Variants in SPPL3 observed in about 807,000 individuals in gnomAD.
SPPL3 encodes signal peptide peptidase like 3, also known as signal peptide peptidase-like 3.
Under a neutral mutation model 42.4 loss-of-function variants are expected in SPPL3, and 5 were observed. The ratio of observed to expected loss-of-function variants is 0.12; its 90% CI spans 0.06 to 0.25. The LOEUF (loss-of-function observed/expected upper bound fraction) is 0.25, where lower values mean the gene tolerates loss of function less well. Ranked by LOEUF, SPPL3 falls within the 10% of genes least tolerant of loss-of-function variation. SPPL3 has a pLI of 1.00. For synonymous variants in SPPL3, 195 were observed against 181.8 expected (o/e 1.07, Z -0.58); for missense variants, 235 against 489.0 (o/e 0.48, Z 4.90).
At chr12:120,812,398 T>C (rs778634137) in intron 1 of SPPL3, among the ~76,000 whole-genome samples, 1 of 152,096 alleles carries the variant, frequency 6.6e-6, no homozygotes, top group South Asian at 2.1e-4. Context: ...TCCCAAAGTG[T>C]TGGGATTACA....
intron 1 of SPPL3, among the ~76,000 whole-genome samples, chr12:120,885,718 T>C (rs749810442): frequency 6.6e-6 from 1 of 152,004 alleles, no homozygotes; most frequent in Admixed American, 6.6e-5. Context: ...CACAACTCAA[T>C]TGCCTCCAGG....
At chr12:120,823,227 GGGCGGC>G (rs1347878770) in intron 1 of SPPL3, among the ~76,000 whole-genome samples, 16 of 139,676 alleles carry the variant, frequency 1.1e-4, no homozygotes, top group Admixed American at 7.1e-4. Context: ...GGGGGTGGGG[GGGCGGC>G]GGCGGTGGCG....
intron 1 of SPPL3, among the ~76,000 whole-genome samples, chr12:120,844,785 A>T (rs1871962123): frequency 1.3e-5 from 2 of 150,928 alleles, no homozygotes; most frequent in African/African-American, 4.9e-5. Context: ...CACTCCCAAC[A>T]CAGCGACTCC....
At chr12:120,863,160 C>G (rs1001169386) in intron 1 of SPPL3, among the ~76,000 whole-genome samples, 1 of 152,032 alleles carries the variant, frequency 6.6e-6, no homozygotes, top group Non-Finnish European at 1.5e-5. Context: ...CCAGCCTGGC[C>G]AACATGGTGA....
chr12:120,783,434 T>C (rs1337415030), intron 5 of SPPL3, among the ~76,000 whole-genome samples: 2 of 152,228 alleles, frequency 1.3e-5, no homozygotes, highest in Non-Finnish European at 2.9e-5. Flanking sequence ...ATGATCTAAG[T>C]AGGAAGCACA....
chr12:120,903,541 C>T, intron 1 of SPPL3: 1 of 401,400 alleles, frequency 2.5e-6, no homozygotes, highest in South Asian at 3.3e-5. Flanking sequence ...ACTTCCCATC[C>T]GTGGGATTCC....
At chr12:120,890,541 A>G (rs1179967693) in intron 1 of SPPL3, among the ~76,000 whole-genome samples, 2 of 149,838 alleles carry the variant, frequency 1.3e-5, no homozygotes, top group African/African-American at 4.9e-5. Flanking sequence ...GTAAGCAGAG[A>G]TCGCGCCATT....
At chr12:120,788,133 C>A (rs1869785963) in intron 3 of SPPL3, among the ~76,000 whole-genome samples, 1 of 152,192 alleles carries the variant, frequency 6.6e-6, no homozygotes, top group East Asian at 1.9e-4. Context: ...TCCAGTAACG[C>A]AAGAGGGCTC....
intron 1 of SPPL3, among the ~76,000 whole-genome samples, chr12:120,866,507 G>C (rs192791381): frequency 6.6e-5 from 10 of 151,522 alleles, no homozygotes; most frequent in Admixed American, 5.2e-4. Flanking sequence ...GAAATAGTAA[G>C]GCATAATTTA....
intron 1 of SPPL3, among the ~76,000 whole-genome samples, chr12:120,901,144 C>T (rs1327998546): frequency 1.3e-5 from 2 of 152,132 alleles, no homozygotes; most frequent in Non-Finnish European, 2.9e-5. Context: ...TTAAACATAC[C>T]ACTTGGCCTC....
chr12:120,883,491 G>A (rs569073149), intron 1 of SPPL3, among the ~76,000 whole-genome samples: 20 of 152,186 alleles, frequency 1.3e-4, no homozygotes, highest in African/African-American at 4.8e-4. Flanking sequence ...AAAGATAATG[G>A]TAGATTCTAC....
intron 2 of SPPL3, among the ~76,000 whole-genome samples, chr12:120,809,833 G>C (rs1323416328): frequency 6.6e-6 from 1 of 151,980 alleles, no homozygotes; most frequent in African/African-American, 2.4e-5. Context: ...TGTTTCTGTG[G>C]GCCAAAATAT....
chr12:120,784,307 G>T, intron 4 of SPPL3, 167 bp downstream of exon 4: 1 of 572,838 alleles, frequency 1.7e-6, no homozygotes, highest in Non-Finnish European at 3.0e-6. Context: ...AGAGGTTCAA[G>T]GAGGAGTTGG....
At chr12:120,790,650 T>G (rs1170666842) in intron 3 of SPPL3, among the ~76,000 whole-genome samples, 1 of 152,192 alleles carries the variant, frequency 6.6e-6, no homozygotes, top group African/African-American at 2.4e-5. Context: ...TCACCTGACT[T>G]GCGGGTCTCT....
At chr12:120,840,979 T>C (rs754776144) in intron 1 of SPPL3, among the ~76,000 whole-genome samples, 4 of 151,596 alleles carry the variant, frequency 2.6e-5, no homozygotes, top group Non-Finnish European at 5.9e-5. Flanking sequence ...TAAATAACCA[T>C]AGAATTCTAT....
intron 1 of SPPL3, among the ~76,000 whole-genome samples, chr12:120,900,676 C>A (rs531380737): frequency 1.3e-5 from 2 of 151,350 alleles, no homozygotes; most frequent in East Asian, 1.9e-4. Context: ...GGAGGCCAAT[C>A]CCAGGCAGAC....
Position 120,763,672 on chromosome 12 carries a change from G to GTTCT in SPPL3, c.*1323_*1326dup, listed in dbSNP as rs1252583428. On this transcript the variant is annotated 3_prime_UTR_variant, in exon 11 of 11. Coordinates refer to ENST00000353487, the MANE Select transcript of SPPL3 (RefSeq NM_139015.5). Reference sequence around the variant, plus strand: ...CCAGGCTCTCAGGACACAGCAGCTGGTTCTTTCCCCAGTTACTGGAATTTA... The same window carrying GTTCT: ...CCAGGCTCTCAGGACACAGCAGCTGGTTCTTTCTTTCCCCAGTTACTGGAATTTA... 3 of 152,974 alleles carry GTTCT rather than the reference G, an allele frequency of 2.0e-5. No individual in the cohort carries two copies. In the Admixed American group the frequency reaches 2.0e-4, roughly 10 times the overall value. 9.5% of individuals were successfully genotyped at this position (152,974 alleles called of 1,614,324 possible).
chr12:120,867,390 G>A (rs1872786413), intron 1 of SPPL3, among the ~76,000 whole-genome samples: 1 of 152,118 alleles, frequency 6.6e-6, no homozygotes, highest in Non-Finnish European at 1.5e-5. Context: ...GGTGTAGCTG[G>A]GCGCGGTGGC....
At chr12:120,786,809 G>T (rs1479048200) in intron 3 of SPPL3, among the ~76,000 whole-genome samples, 1 of 152,134 alleles carries the variant, frequency 6.6e-6, no homozygotes, top group African/African-American at 2.4e-5. Flanking sequence ...GAATGGGAAA[G>T]AAAGAGGTAA....
Sources: gnomAD v4.1 joint callset for allele counts (sites outside exome capture counted in the v4.1 genomes callset) on GRCh38, gnomAD v4.1.1 for gene constraint, MANE v1.5 for transcripts, NCBI Gene and HGNC (gene_info 2026-07-23, HGNC 2026-07-21) for gene names.